The following MAP2 variants were observed in gnomAD, a reference collection of about 807,000 sequenced individuals.
The protein encoded by MAP2 is microtubule associated protein 2, also known as microtubule-associated protein 2.
MAP2 carries 14 observed loss-of-function variants against 137.6 expected under a neutral mutation model. The ratio of observed to expected loss-of-function variants is 0.10; its 90% CI spans 0.07 to 0.16. MAP2 has a LOEUF of 0.16. MAP2 is among the 10% of genes least tolerant of loss of function. MAP2 has a pLI of 1.00. For missense variants in MAP2, 2,088 were observed against 2,191.5 expected, an observed-to-expected ratio of 0.95 and a Z score of 0.94; for synonymous variants, 786 against 782.3, an observed-to-expected ratio of 1.00 and a Z score of -0.08.
At chr2:209,542,241 A>C (rs2067186149) in intron 2 of MAP2, among the ~76,000 whole-genome samples, 1 of 152,164 alleles carries the variant, frequency 6.6e-6, no homozygotes, top group Admixed American at 6.5e-5. Flanking sequence ...TTTTTTTCTG[A>C]GCAGTGGGTC....
intron 7 of MAP2, among the ~76,000 whole-genome samples, chr2:209,683,816 T>G (rs1351312247): frequency 6.6e-6 from 1 of 152,216 alleles, no homozygotes; most frequent in African/African-American, 2.4e-5. Flanking sequence ...AAGAAAGCTC[T>G]TTTGTTAGAT....
At chr2:209,661,703 T>C in intron 5 of MAP2, 1 of 985,208 alleles carries the variant, frequency 1.0e-6, no homozygotes, top group African/African-American at 1.7e-5. Flanking sequence ...GTTTGCTTTG[T>C]CCTATGTGGT....
chr2:209,636,542 A>G (rs2093581404), intron 4 of MAP2, among the ~76,000 whole-genome samples: 1 of 145,412 alleles, frequency 6.9e-6, no homozygotes, highest in Admixed American at 6.8e-5. Context: ...ATAGTACAAT[A>G]TAATGTTATA....
intron 11 of MAP2, among the ~76,000 whole-genome samples, chr2:209,704,857 A>G (rs1584072834): frequency 6.6e-6 from 1 of 151,658 alleles, no homozygotes; most frequent in African/African-American, 2.4e-5. Context: ...TTATTAATTT[A>G]TGGTTTGATT....
At chr2:209,476,600 G>A (rs2149778213) in intron 1 of MAP2, among the ~76,000 whole-genome samples, 1 of 152,208 alleles carries the variant, frequency 6.6e-6, no homozygotes, top group East Asian at 1.9e-4. Flanking sequence ...CTTGGTCTGG[G>A]AAAAGCAACA....
intron 13 of MAP2, among the ~76,000 whole-genome samples, chr2:209,711,606 A>G (rs1280440452): frequency 6.6e-6 from 1 of 152,224 alleles, no homozygotes; most frequent in Non-Finnish European, 1.5e-5. Context: ...TTATAAGCCT[A>G]TAATTCCTAA....
At chr2:209,474,164 G>A (rs747123619) in intron 1 of MAP2, among the ~76,000 whole-genome samples, 7 of 152,120 alleles carry the variant, frequency 4.6e-5, no homozygotes, top group Non-Finnish European at 1.0e-4. Flanking sequence ...TGGGCATACT[G>A]CCAGGTGTTG....
At position 209,694,221 on chromosome 2, in the gene MAP2, G is replaced by A; in HGVS notation, c.2051G>A (p.Ser684Asn). 1 of 1,614,118 alleles carries A rather than the reference G, an allele frequency of 6.2e-7. No individual in the cohort carries two copies. Among genetic ancestry groups the A allele is most frequent in the Non-Finnish European group, 8.5e-7 (1 of 1,180,004 alleles). ...AAGAATAAGGATGATTTGACCCTTA[G>A]CAGGAGTTTAGGACTTGGTGGTAGG... ...HSKNKDDLTL[S>N]RSLGLGGRSA... Residue 684 changes from serine (S) to asparagine (N), a missense_variant, in exon 8 of 16, where the codon AGC becomes AAC. Coordinates refer to ENST00000682079, the MANE Select transcript of MAP2 (RefSeq NM_001375505.1).
intron 13 of MAP2, among the ~76,000 whole-genome samples, chr2:209,715,528 A>G (rs1176414388): frequency 1.3e-5 from 2 of 152,210 alleles, no homozygotes; most frequent in Admixed American, 6.5e-5. Flanking sequence ...AAGTGATATA[A>G]GAAAAATATG....
intron 2 of MAP2, among the ~76,000 whole-genome samples, chr2:209,554,957 T>TTA (rs1002989763): frequency 1.5e-4 from 22 of 146,536 alleles, no homozygotes; most frequent in East Asian, 7.8e-4. Context: ...TATATTATTT[T>TTA]TATATATATA....
chr2:209,451,266 G>C (rs1347206025), intron 1 of MAP2, among the ~76,000 whole-genome samples: 3 of 152,176 alleles, frequency 2.0e-5, no homozygotes, highest in Non-Finnish European at 4.4e-5. Flanking sequence ...ACCCTGGTGA[G>C]GGGGTGAGTG....
chr2:209,517,795 T>G (rs890900209), intron 2 of MAP2, among the ~76,000 whole-genome samples: 1 of 151,772 alleles, frequency 6.6e-6, no homozygotes, highest in Admixed American at 6.6e-5. Flanking sequence ...GGGGAAGAAG[T>G]ATGCTCAAAA....
intron 1 of MAP2, among the ~76,000 whole-genome samples, chr2:209,478,005 AAAAAT>A (rs773902548): frequency 1.0e-3 from 155 of 152,288 alleles, no homozygotes; most frequent in Non-Finnish European, 1.9e-3. Context: ...CTCTGTCTCA[AAAAAT>A]AAAATAAAGA....
chr2:209,664,918 C>A (rs1312730584), intron 5 of MAP2, among the ~76,000 whole-genome samples: 1 of 137,080 alleles, frequency 7.3e-6, no homozygotes, highest in East Asian at 2.2e-4. Context: ...GAGCTGAGAT[C>A]GCGCCCCTGC....
chr2:209,703,254 T>A (rs2153741643), intron 11 of MAP2, among the ~76,000 whole-genome samples: 1 of 152,240 alleles, frequency 6.6e-6, no homozygotes, highest in East Asian at 1.9e-4. Context: ...ATATATAAAC[T>A]CTGAAAAATT....
At position 209,659,396 on chromosome 2, in the gene MAP2, T is replaced by C. The variant is rs1016261624; in HGVS notation, c.262+5964T>C. The stretch of plus-strand genomic sequence containing the variant: ...TGGAAGGGACCAGTGAGATGACTTT[T>C]CACAGTAGATAATATGACTACTACC... On this transcript the variant is annotated intron_variant, in intron 5 of 15. Coordinates refer to ENST00000682079, the MANE Select transcript of MAP2 (RefSeq NM_001375505.1). Among the ~76,000 whole-genome samples the C allele has an allele frequency of 6.6e-5, 10 of 152,308 alleles. No individual in the cohort carries two copies. The South Asian group carries it at 1.4e-3, about 22-fold the overall frequency.
intron 1 of MAP2, among the ~76,000 whole-genome samples, chr2:209,498,265 C>T (rs1008655778): frequency 2.6e-5 from 4 of 152,238 alleles, no homozygotes; most frequent in Admixed American, 6.5e-5. Context: ...CCATGTCTTA[C>T]ATCCACAGCA....
chr2:209,513,360 A>G (rs2062002866), intron 2 of MAP2, among the ~76,000 whole-genome samples: 1 of 152,100 alleles, frequency 6.6e-6, no homozygotes, highest in African/African-American at 2.4e-5. Flanking sequence ...AGCAGCCCAT[A>G]GGCTTTTTAA....
intron 2 of MAP2, among the ~76,000 whole-genome samples, chr2:209,560,616 G>GGTGC (rs2153346166): frequency 6.6e-6 from 1 of 151,900 alleles, no homozygotes; most frequent in Non-Finnish European, 1.5e-5. Context: ...AAAGTGCGGG[G>GGTGC]ATTACAAACA....
Sources: gnomAD v4.1 joint callset for allele counts (sites outside exome capture counted in the v4.1 genomes callset) on GRCh38, gnomAD v4.1.1 for gene constraint, MANE v1.5 for transcripts, NCBI Gene and HGNC (gene_info 2026-07-23, HGNC 2026-07-21) for gene names.